The following PCBP3 variants were observed in gnomAD, a reference collection of about 807,000 sequenced individuals.
PCBP3 encodes the protein poly(rC)-binding protein 3.
Under a neutral mutation model 52.7 loss-of-function variants are expected in PCBP3, and 25 were observed. The ratio of observed to expected loss-of-function variants is 0.47; its 90% CI spans 0.35 to 0.66. The LOEUF (loss-of-function observed/expected upper bound fraction) is 0.66. Among genes scored for constraint, PCBP3 ranks in the 30% least tolerant of loss-of-function variants. PCBP3 has a pLI of 0.01. For synonymous variants in PCBP3, 162 were observed against 183.0 expected (o/e 0.89, Z 0.93); for missense variants, 391 against 490.3 (o/e 0.80, Z 1.91).
At chr21:45,785,359 C>T (rs548907614) in intron 4 of PCBP3, among the ~76,000 whole-genome samples, 1,893 of 148,438 alleles carry the variant, frequency 0.013, 36 homozygotes, top group African/African-American at 0.045. Flanking sequence ...GCCCCCCGCC[C>T]GGCCAGCCGC....
chr21:45,728,134 G>A (rs71334091), intron 2 of PCBP3, among the ~76,000 whole-genome samples: 1 of 152,176 alleles, frequency 6.6e-6, no homozygotes, highest in Non-Finnish European at 1.5e-5. Context: ...CTTGTTAAAG[G>A]AAGTGCTTGG....
rs2092987332 is a variant in PCBP3 at position 45,817,042 on chromosome 21, CTGT to C, written c.-125-32913_-125-32911del. 6.6e-6 allele frequency among the ~76,000 whole-genome samples: 1 copy of C among 152,128 alleles called. No homozygotes were observed. The highest frequency in any genetic ancestry group is 2.1e-4 in the South Asian group (1 of 4,826). On this transcript the variant is annotated intron_variant, in intron 4 of 17. Coordinates refer to ENST00000681687, the MANE Select transcript of PCBP3 (RefSeq NM_001384156.1). The surrounding 1 kb of genome is among the most constrained non-coding windows in gnomAD (Gnocchi z 4.3). Reference sequence around the variant, plus strand: ...GGGACGGCTGTGGTATATGGCACGTCTGTTGTTGCCTGAAATGCCGTTGTGTGG... The same window carrying C: ...GGGACGGCTGTGGTATATGGCACGTCTGTTGCCTGAAATGCCGTTGTGTGG...
At chr21:45,777,041 A>G (rs866695172) in intron 4 of PCBP3, among the ~76,000 whole-genome samples, 1 of 152,108 alleles carries the variant, frequency 6.6e-6, no homozygotes, top group South Asian at 2.1e-4. Flanking sequence ...CATGTTGGTA[A>G]ATGTCATCTT....
At position 45,877,711 on chromosome 21, in the gene PCBP3, C is replaced by T. The variant is rs144314986; in HGVS notation, c.11-18497C>T. Among the ~76,000 whole-genome samples, 374 of 152,194 alleles carry T rather than the reference C, an allele frequency of 2.5e-3. 1 individual carries two copies. The highest frequency in any genetic ancestry group is 0.01 in the Middle Eastern group (3 of 294). ...GTCCCAGCCACTCAGGAGGCTGAGG[C>T]GGAGGAATTGCTTGAACCTGGGAGG... is the stretch of plus-strand genomic sequence containing the variant. On this transcript the variant is annotated intron_variant, in intron 5 of 17. Transcript: ENST00000681687.
At chr21:45,742,121 T>C (rs543266610) in intron 3 of PCBP3, among the ~76,000 whole-genome samples, 11 of 152,232 alleles carry the variant, frequency 7.2e-5, no homozygotes, top group Non-Finnish European at 1.5e-4. Context: ...TTTTTTCTGA[T>C]TTTCCACTAA....
rs1050067061 is a variant in PCBP3, at chr21:45,827,651, G to A, written c.-125-22310G>A. Among the ~76,000 whole-genome samples, 12 of 152,228 alleles carry A rather than the reference G, an allele frequency of 7.9e-5. No individual in the cohort carries two copies. The highest frequency in any genetic ancestry group is 2.9e-4 in the African/African-American group (12 of 41,464). On this transcript the variant is annotated intron_variant, in intron 4 of 17. Coordinates refer to ENST00000681687, the MANE Select transcript of PCBP3 (RefSeq NM_001384156.1). This position sits in a 1 kb window ranked among gnomAD's most constrained non-coding sequence, Gnocchi z 4.3. ...AATTTAGAAATTCACATTGTACACT[G>A]TGATGTATGCAGTTTTATGTACATC... is the stretch of plus-strand genomic sequence containing the variant.
chr21:45,742,194 G>A (rs1467425881), intron 3 of PCBP3, among the ~76,000 whole-genome samples: 4 of 152,054 alleles, frequency 2.6e-5, no homozygotes, highest in African/African-American at 9.7e-5. Context: ...CTCTTTTGTA[G>A]GCAGTGTTCA....
intron 2 of PCBP3, among the ~76,000 whole-genome samples, chr21:45,727,054 T>C (rs1471242904): frequency 1.3e-5 from 2 of 152,228 alleles, no homozygotes; most frequent in Non-Finnish European, 2.9e-5. Flanking sequence ...TTTTTTCTTT[T>C]GTAGTTCATG....
intron 4 of PCBP3, among the ~76,000 whole-genome samples, chr21:45,832,126 G>C (rs963594814): frequency 6.6e-6 from 1 of 152,212 alleles, no homozygotes; most frequent in Non-Finnish European, 1.5e-5. Flanking sequence ...TAAACAAAGG[G>C]GGGATTATTC....
chr21:45,710,829 A>G (rs991096925), intron 2 of PCBP3, among the ~76,000 whole-genome samples: 1 of 152,086 alleles, frequency 6.6e-6, no homozygotes, highest in African/African-American at 2.4e-5. Flanking sequence ...TTATTTTTCC[A>G]ATCATTTATT....
chr21:45,828,469 C>G (rs937943936), intron 4 of PCBP3: 3 of 152,244 alleles, frequency 2.0e-5, no homozygotes. Context: ...TTCGCAACAA[C>G]TTGAACCAGC....
At chr21:45,725,460 A>G (rs2838986) in intron 2 of PCBP3, among the ~76,000 whole-genome samples, 128,354 of 152,226 alleles carry the variant, frequency 0.84, 54,690 homozygotes, top group African/African-American at 0.96. Context: ...CAGCAAGCTT[A>G]TCCTTAACAA....
intron 1 of PCBP3, among the ~76,000 whole-genome samples, chr21:45,649,901 TGG>T (rs2079566666): frequency 6.6e-6 from 1 of 152,132 alleles, no homozygotes; most frequent in Non-Finnish European, 1.5e-5. Flanking sequence ...TTTTCTCAAA[TGG>T]TTTTCTATAC....
intron 1 of PCBP3, among the ~76,000 whole-genome samples, chr21:45,653,213 T>C (rs1350434473): frequency 6.6e-6 from 1 of 152,180 alleles, no homozygotes; most frequent in Non-Finnish European, 1.5e-5. Flanking sequence ...CTGGAAATAA[T>C]TGGGTTCAAT....
chr21:45,707,777 A>T (rs763891177), intron 2 of PCBP3, among the ~76,000 whole-genome samples: 6 of 152,198 alleles, frequency 3.9e-5, no homozygotes, highest in Non-Finnish European at 7.3e-5. Flanking sequence ...TGCCTGCCTG[A>T]ACTTGGACTC....
chr21:45,780,506 G>C (rs570060289), intron 4 of PCBP3, among the ~76,000 whole-genome samples: 1 of 152,152 alleles, frequency 6.6e-6, no homozygotes, highest in Non-Finnish European at 1.5e-5. Context: ...TCCCTTTCAC[G>C]TGAAACTTGT....
intron 2 of PCBP3, among the ~76,000 whole-genome samples, chr21:45,685,301 G>C (rs1262335677): frequency 6.6e-6 from 1 of 152,170 alleles, no homozygotes; most frequent in African/African-American, 2.4e-5. Context: ...TTTGCAAGAT[G>C]AAAACAGTTG....
chr21:45,837,192 A>G lies in PCBP3; in HGVS notation c.-125-12769A>G, dbSNP rs1168707663. ...CACGGATGATCTACAGTCCACCAACATTCTGAATGTTTGCCAATGCAGTGA... is the reference window on the plus strand; with the variant it reads ...CACGGATGATCTACAGTCCACCAACGTTCTGAATGTTTGCCAATGCAGTGA... On this transcript the variant is annotated intron_variant, in intron 4 of 17. Coordinates refer to ENST00000681687, the MANE Select transcript of PCBP3 (RefSeq NM_001384156.1). This position sits in a 1 kb window ranked among gnomAD's most constrained non-coding sequence, Gnocchi z 4.1. 6.6e-6 allele frequency among the ~76,000 whole-genome samples: 1 copy of G among 152,228 alleles called. No homozygotes were observed. Among genetic ancestry groups the G allele is most frequent in the African/African-American group, 2.4e-5 (1 of 41,456 alleles).
chr21:45,785,959 C>A (rs1254615209), intron 4 of PCBP3, among the ~76,000 whole-genome samples: 7 of 150,064 alleles, frequency 4.7e-5, no homozygotes, highest in Admixed American at 3.3e-4. Flanking sequence ...GTCATCACCA[C>A]TCCCTAATCT....
Sources: gnomAD v4.1 joint callset for allele counts (sites outside exome capture counted in the v4.1 genomes callset) on GRCh38, gnomAD v4.1.1 for gene constraint, Gnocchi (gnomAD v3.1) non-coding constraint, MANE v1.5 for transcripts, NCBI Gene and HGNC (gene_info 2026-07-23, HGNC 2026-07-21) for gene names.